TTC6: variants seen among roughly 807,000 people sequenced by gnomAD.
TTC6 encodes tetratricopeptide repeat domain 6.
In TTC6, 172 loss-of-function variants were observed where a neutral mutation model predicts 210.4. The ratio of observed to expected loss-of-function variants is 0.82; its 90% CI spans 0.72 to 0.93. TTC6 has a LOEUF of 0.93. Among genes scored for constraint, TTC6 ranks in the 40% least tolerant of loss-of-function variants. TTC6 has a pLI of 0.00. For missense variants in TTC6, 2,414 were observed against 2,318.1 expected (o/e 1.04, Z -0.85); for synonymous variants, 804 against 819.6 (o/e 0.98, Z 0.32).
chr14:37,841,461 C>G lies in TTC6; in HGVS notation c.5315C>G (p.Ser1772Ter). ...ATTTTGTAGGCCAGTGACTACTTCT[C>G]AAAAGCTTTAAAATTTGATCCAGAA... The change falls in exon 30 of 31, where the codon TCA becomes TGA. Residue 1772 changes from serine (S) to a stop codon, truncating the protein, a stop_gained. Transcript: ENST00000553443. LOFTEE classifies it high-confidence loss of function. 1.3e-6 allele frequency: 2 copies of G among 1,589,132 alleles called. No homozygotes were observed. Among genetic ancestry groups the G allele is most frequent in the Admixed American group, 1.9e-5 (1 of 52,264 alleles).
At chr14:37,789,176 A>G (rs2096073957) in intron 15 of TTC6, among the ~76,000 whole-genome samples, 1 of 152,140 alleles carries the variant, frequency 6.6e-6, no homozygotes, top group African/African-American at 2.4e-5. Context: ...TTTATTGGGC[A>G]TTTTGCTACT....
chr14:37,681,298 T>C (rs1156841599), intron 2 of TTC6, among the ~76,000 whole-genome samples: 1 of 152,144 alleles, frequency 6.6e-6, no homozygotes, highest in Non-Finnish European at 1.5e-5. Context: ...CAGTTAGGTT[T>C]AGCCAAATAG....
intron 21 of TTC6, among the ~76,000 whole-genome samples, chr14:37,805,693 TTTTGTTTG>T (rs374063299): frequency 2.0e-5 from 3 of 152,084 alleles, no homozygotes; most frequent in Admixed American, 6.6e-5. Context: ...TGAAGTGTTT[TTTTGTTTG>T]TTTGTTTGTT....
chr14:37,824,016 G>A (rs1403014776), intron 27 of TTC6, 59 bp downstream of exon 29: 1 of 1,489,164 alleles, frequency 6.7e-7, no homozygotes, highest in Non-Finnish European at 9.3e-7. Context: ...AATATATTTG[G>A]CTCTTTCCTG....
chr14:37,692,227 A>AAAAAAAAAAAAAAAAAAAAAAC (rs2095805140), intron 3 of TTC6, among the ~76,000 whole-genome samples: 1 of 147,818 alleles, frequency 6.8e-6, no homozygotes, highest in East Asian at 2.0e-4. Context: ...AAAAAAAAAA[A>AAAAAAAAAAAAAAAAAAAAAAC]AAAAAGAAAA....
At chr14:37,714,595 A>C in intron 5 of TTC6, 60 bp from the exon 8 acceptor site, 1 of 1,404,690 alleles carries the variant, frequency 7.1e-7, no homozygotes, top group Non-Finnish European at 9.5e-7. Flanking sequence ...AATGAGGGCA[A>C]ACACCTTATA....
chr14:37,606,105 G>T (rs994871807), intron 1 of TTC6, among the ~76,000 whole-genome samples: 1 of 152,090 alleles, frequency 6.6e-6, no homozygotes, highest in African/African-American at 2.4e-5. Context: ...ATGTTAATTA[G>T]GTTACCATGG....
chr14:37,813,539 G>A (rs2096134545), intron 25 of TTC6, among the ~76,000 whole-genome samples: 1 of 152,156 alleles, frequency 6.6e-6, no homozygotes, highest in African/African-American at 2.4e-5. Context: ...CTATTGCACA[G>A]TTGCTACACA....
intron 5 of TTC6, among the ~76,000 whole-genome samples, chr14:37,706,469 A>T (rs901990027): frequency 6.6e-6 from 1 of 152,114 alleles, no homozygotes; most frequent in Non-Finnish European, 1.5e-5. Flanking sequence ...TTATATGCTG[A>T]TGACTATCAA....
chr14:37,680,304 AC>A (rs1378669131), intron 2 of TTC6, 43 bp downstream of exon 4: 1 of 1,231,496 alleles, frequency 8.1e-7, no homozygotes. Flanking sequence ...TGTTAAAGTA[AC>A]AGCATGCTTC....
chr14:37,719,696 G>A (rs2095858291), intron 6 of TTC6, among the ~76,000 whole-genome samples: 1 of 151,962 alleles, frequency 6.6e-6, no homozygotes. Flanking sequence ...TATAAAAAAT[G>A]TACTTAAAAT....
intron 14 of TTC6, among the ~76,000 whole-genome samples, chr14:37,753,793 T>G (rs1359814077): frequency 6.6e-6 from 1 of 151,934 alleles, no homozygotes; most frequent in African/African-American, 2.4e-5. Flanking sequence ...TTGCCTAGGT[T>G]GTTTTTGAAC....
Position 37,770,947 on chromosome 14 carries a change from GT to G in TTC6, c.3267-16519del, listed in dbSNP as rs550601511. 4.4e-3 allele frequency among the ~76,000 whole-genome samples: 601 copies of G among 136,586 alleles called. 6 individuals are homozygous for G. Among genetic ancestry groups the G allele is most frequent in the African/African-American group, 0.015 (571 of 37,148 alleles). The allele number at this position is 136,586 out of a possible 152,430, so 89.6% of individuals were successfully genotyped here. A position where few individuals can be genotyped will look rare whatever the true frequency, so the allele number is the denominator to read the frequency against. ...GATTTTGCAGCGGCTGGTACCGGTT[GT>G]TCCTTTCCATGTTTAGTGCTTCCTT... is the stretch of plus-strand genomic sequence containing the variant. On this transcript the variant is annotated intron_variant, in intron 14 of 30. Transcript: ENST00000553443.
rs986623282 is a variant in TTC6, at chr14:37,810,635, A to G, written c.4570-1679A>G. On this transcript the variant is annotated intron_variant, in intron 24 of 30. Coordinates refer to ENST00000553443, the Ensembl canonical transcript of TTC6. ...GGCTTTGTAAAACTGTCTGACCTCC[A>G]GCATGTGGACTGGATGTCATTAAGC... Among the ~76,000 whole-genome samples, 7 of 152,262 alleles carry G rather than the reference A, an allele frequency of 4.6e-5. 1 individual carries two copies. In the South Asian group the frequency reaches 1.4e-3, roughly 32 times the overall value.
chr14:37,737,468 A>G lies in TTC6; in HGVS notation c.1909-192A>G, dbSNP rs189046535. Among the ~76,000 whole-genome samples the G allele has an allele frequency of 1.7e-4, 26 of 152,268 alleles. No individual in the cohort carries two copies. The East Asian group carries it at 4.6e-3, about 27-fold the overall frequency. On this transcript the variant is annotated intron_variant, in intron 8 of 30. Coordinates refer to ENST00000553443, the Ensembl canonical transcript of TTC6. The stretch of plus-strand genomic sequence containing the variant: ...AGTTTTTATTATTATACACTTTTCT[A>G]CATTAATTCATAGATTTTAAGTTCT...
At chr14:37,777,630 C>T (rs912553109) in intron 14 of TTC6, among the ~76,000 whole-genome samples, 2 of 152,124 alleles carry the variant, frequency 1.3e-5, no homozygotes, top group African/African-American at 4.8e-5. Flanking sequence ...TGGTTAAGAG[C>T]CATTGCTGCG....
intron 7 of TTC6, among the ~76,000 whole-genome samples, chr14:37,732,273 C>T (rs1263461286): frequency 7.3e-6 from 1 of 136,598 alleles, no homozygotes; most frequent in Non-Finnish European, 1.5e-5. Flanking sequence ...AGCTCTGCCT[C>T]CTGGTTTCAC....
In TTC6 at chr14:37,631,731, C is replaced by T. The variant is rs141936620; in HGVS notation, c.939+8728C>T. Among the ~76,000 whole-genome samples the T allele has an allele frequency of 1.1e-3, 160 of 152,280 alleles. 2 individuals carry two copies. The East Asian group carries it at 0.029, about 27-fold the overall frequency. On this transcript the variant is annotated intron_variant, in intron 1 of 30. Transcript: ENST00000553443. ...TTTTCCAACTTGGTTCCATTCTCTC[C>T]GTCACTTTCAGGTACACCAATCAAA...
Position 37,812,303 on chromosome 14 carries a change from A to G in TTC6, c.4570-11A>G. ...AAAAGTTGAATCTATGTTACAAATG[A>G]TTATTTTTAGGCATTAACAGATTAT... On this transcript the variant is annotated splice_polypyrimidine_tract_variant and intron_variant, in intron 24 of 30. Coordinates refer to ENST00000553443, the Ensembl canonical transcript of TTC6. 6.2e-7 allele frequency: 1 copy of G among 1,607,722 alleles called. No individual in the cohort carries two copies. Among genetic ancestry groups the G allele is most frequent in the Non-Finnish European group, 8.5e-7 (1 of 1,177,756 alleles).
Sources: allele counts gnomAD v4.1 joint callset (sites outside exome capture counted in the v4.1 genomes callset), GRCh38; gene constraint gnomAD v4.1.1; transcripts MANE v1.5; gene names NCBI Gene and HGNC (gene_info 2026-07-23, HGNC 2026-07-21).